Variants in FER observed in about 807,000 individuals in gnomAD.
FER encodes the protein tyrosine-protein kinase Fer.
A neutral mutation model predicts 111.0 loss-of-function variants in FER; 63 were observed. That is an observed-to-expected ratio of 0.57 (90% CI 0.46 to 0.70). FER has a LOEUF of 0.70. FER is among the 30% of genes least tolerant of loss of function. The pLI, the probability that FER is intolerant of heterozygous loss-of-function variation, is 0.00. For missense variants in FER, 914 were observed against 954.0 expected, an observed-to-expected ratio of 0.96 and a Z score of 0.55; for synonymous variants, 327 against 313.9, an observed-to-expected ratio of 1.04 and a Z score of -0.44.
intron 12 of FER, among the ~76,000 whole-genome samples, chr5:108,955,511 AATTT>A (rs1758318284): frequency 6.6e-6 from 1 of 151,766 alleles, no homozygotes; most frequent in African/African-American, 2.4e-5. Context: ...TATTTTTTGA[AATTT>A]ATTTAAGTAT....
intron 13 of FER, among the ~76,000 whole-genome samples, chr5:109,009,741 G>C (rs549633446): frequency 6.6e-6 from 1 of 152,188 alleles, no homozygotes; most frequent in East Asian, 1.9e-4. Flanking sequence ...GGTTGACTGG[G>C]TGGAGGTTCT....
chr5:109,187,659 AC>A lies in FER; in HGVS notation c.*86del. Reference sequence around the variant, plus strand: ...TTGTTCTCATTAACAATGAATTTATACCACATTACCTTCGACAGTCTTCTAC... The same window carrying A: ...TTGTTCTCATTAACAATGAATTTATACACATTACCTTCGACAGTCTTCTAC... On this transcript the variant is annotated 3_prime_UTR_variant, in exon 20 of 20. Coordinates refer to ENST00000281092, the MANE Select transcript of FER (RefSeq NM_005246.4). 1 of 1,449,986 alleles carries A rather than the reference AC, an allele frequency of 6.9e-7. No individual in the cohort carries two copies. The highest frequency in any genetic ancestry group is 1.2e-5 in the South Asian group (1 of 82,278). 89.8% of individuals were successfully genotyped at this position (1,449,986 alleles called of 1,614,324 possible). A position where few individuals can be genotyped will look rare whatever the true frequency, so the allele number is the denominator to read the frequency against.
intron 13 of FER, among the ~76,000 whole-genome samples, chr5:109,016,047 A>G (rs989367653): frequency 6.6e-6 from 1 of 152,018 alleles, no homozygotes; most frequent in Non-Finnish European, 1.5e-5. Flanking sequence ...GTGAGCAAAG[A>G]GAACAAAGGC....
chr5:108,968,397 GA>G (rs894608292), intron 13 of FER, among the ~76,000 whole-genome samples: 13 of 151,428 alleles, frequency 8.6e-5, no homozygotes, highest in Middle Eastern at 3.4e-3. Flanking sequence ...CTCAAAAAAA[GA>G]AAAAAAATTA....
intron 17 of FER, among the ~76,000 whole-genome samples, chr5:109,138,039 A>C (rs1753100651): frequency 6.6e-6 from 1 of 152,092 alleles, no homozygotes; most frequent in African/African-American, 2.4e-5. Context: ...TCAAGCCTGA[A>C]GTCTTTCTGT....
intron 17 of FER, among the ~76,000 whole-genome samples, chr5:109,107,842 C>T (rs1313612948): frequency 6.6e-6 from 1 of 152,148 alleles, no homozygotes; most frequent in Non-Finnish European, 1.5e-5. Flanking sequence ...TTGCAAAGGG[C>T]CCTCAAATGA....
chr5:108,777,036 G>A (rs976062058), intron 2 of FER, among the ~76,000 whole-genome samples: 2 of 152,158 alleles, frequency 1.3e-5, no homozygotes, highest in African/African-American at 4.8e-5. Flanking sequence ...GTCATGCCAG[G>A]CATATTGGCC....
intron 5 of FER, among the ~76,000 whole-genome samples, chr5:108,844,992 GTGTGTATATATATATATA>G (rs1256329810): frequency 4.4e-4 from 17 of 38,270 alleles, no homozygotes; most frequent in African/African-American, 1.7e-3. Context: ...TGGTGTGTGT[GTGTGTATATATATATATA>G]TATATATATA....
At chr5:108,867,570 A>C (rs1580958511) in intron 5 of FER, among the ~76,000 whole-genome samples, 197 bp from the exon 6 acceptor site, 2 of 150,314 alleles carry the variant, frequency 1.3e-5, no homozygotes, top group African/African-American at 4.9e-5. Context: ...CCTCCTTGGC[A>C]ACCTTTGTGT....
At chr5:109,047,975 T>C (rs1772233229) in intron 16 of FER, among the ~76,000 whole-genome samples, 1 of 152,184 alleles carries the variant, frequency 6.6e-6, no homozygotes, top group Non-Finnish European at 1.5e-5. Context: ...CTTCCTGTTG[T>C]AGAAGATACA....
intron 10 of FER, among the ~76,000 whole-genome samples, chr5:108,933,719 A>T (rs1294122764): frequency 1.3e-5 from 2 of 152,068 alleles, no homozygotes; most frequent in African/African-American, 2.4e-5. Context: ...TACGATATTG[A>T]TTCTTCCTAC....
chr5:108,772,015 G>A (rs1414382100), intron 2 of FER, among the ~76,000 whole-genome samples: 1 of 152,118 alleles, frequency 6.6e-6, no homozygotes, highest in Non-Finnish European at 1.5e-5. Context: ...GACACCAGCA[G>A]GTTTAGTGTC....
chr5:108,876,720 A>G (rs1463163052), intron 8 of FER, among the ~76,000 whole-genome samples: 1 of 152,194 alleles, frequency 6.6e-6, no homozygotes, highest in Non-Finnish European at 1.5e-5. Flanking sequence ...TGGCAGTACT[A>G]GTCTATGTAC....
At chr5:108,875,638 C>A (rs1360596319) in intron 8 of FER, among the ~76,000 whole-genome samples, 2 of 152,050 alleles carry the variant, frequency 1.3e-5, no homozygotes, top group Non-Finnish European at 2.9e-5. Flanking sequence ...TGCTTTTTGT[C>A]ATTATGGACA....
In FER at chr5:109,129,854, G is replaced by C. The variant is rs184222026; in HGVS notation, c.2048+29335G>C. 3.3e-5 allele frequency among the ~76,000 whole-genome samples: 5 copies of C among 152,080 alleles called. No homozygotes were observed. In the East Asian group the frequency reaches 9.6e-4, roughly 29 times the overall value. The stretch of plus-strand genomic sequence containing the variant: ...AAAACATCAAATATGTGTGTTTTTA[G>C]TTGCCCATCATATTGTTGTTTATAA... On this transcript the variant is annotated intron_variant, in intron 17 of 19. Coordinates refer to ENST00000281092, the MANE Select transcript of FER (RefSeq NM_005246.4).
At chr5:109,078,239 A>T (rs1271762273) in intron 16 of FER, among the ~76,000 whole-genome samples, 1 of 152,204 alleles carries the variant, frequency 6.6e-6, no homozygotes, top group African/African-American at 2.4e-5. Context: ...AGGCTCAAGG[A>T]TACGTCCATG....
chr5:108,805,332 CA>C (rs1200180750), intron 3 of FER, among the ~76,000 whole-genome samples: 5 of 152,190 alleles, frequency 3.3e-5, no homozygotes, highest in Admixed American at 2.6e-4. Context: ...ACTGTAAGTT[CA>C]GTTAAATCTC....
At chr5:109,091,301 A>T (rs892386555) in intron 16 of FER, among the ~76,000 whole-genome samples, 11 of 152,174 alleles carry the variant, frequency 7.2e-5, no homozygotes, top group African/African-American at 2.2e-4. Context: ...TAATCCTTGC[A>T]TCCTGGTGTA....
At position 109,188,719 on chromosome 5, in the gene FER, A is replaced by G. The variant is rs1040403870; in HGVS notation, c.*1144A>G. The G allele has an allele frequency of 1.3e-5, 2 of 152,236 alleles. No individual in the cohort carries two copies. Among genetic ancestry groups the G allele is most frequent in the East Asian group, 3.8e-4 (2 of 5,196 alleles). The allele number at this position is 152,236 out of a possible 1,614,324, so 9.4% of individuals were successfully genotyped here. On this transcript the variant is annotated 3_prime_UTR_variant, in exon 20 of 20. Coordinates refer to ENST00000281092, the MANE Select transcript of FER (RefSeq NM_005246.4). ...TAAGAAAAGTTTCAGGAGTTCGTAG[A>G]GTCCTCGTAATGGCAACAAAAATTT...
Sources: gnomAD v4.1 joint callset for allele counts (sites outside exome capture counted in the v4.1 genomes callset) on GRCh38, gnomAD v4.1.1 for gene constraint, MANE v1.5 for transcripts, NCBI Gene and HGNC (gene_info 2026-07-23, HGNC 2026-07-21) for gene names.